The following ZFHX3 variants were observed in gnomAD, a reference collection of about 807,000 sequenced individuals.
ZFHX3 encodes the protein zinc finger homeobox protein 3.
A neutral mutation model predicts 279.1 loss-of-function variants in ZFHX3; 42 were observed. That is an observed-to-expected ratio of 0.15 (90% confidence interval 0.12 to 0.19). The LOEUF (loss-of-function observed/expected upper bound fraction) is 0.19, where lower values mean the gene tolerates loss of function less well. Among genes scored for constraint, ZFHX3 ranks in the 10% least tolerant of loss-of-function variants. The probability of loss-of-function intolerance (pLI) is 1.00; values close to 1 mark genes in which losing one functional copy is unlikely to be tolerated. For missense variants in ZFHX3, 4,981 were observed against 4,754.0 expected (o/e 1.05, Z -1.40); for synonymous variants, 2,293 against 1,957.8 (o/e 1.17, Z -4.52).
intron 3 of ZFHX3, among the ~76,000 whole-genome samples, chr16:73,453,529 C>T (rs1217543273): frequency 6.6e-6 from 1 of 152,204 alleles, no homozygotes; most frequent in Non-Finnish European, 1.5e-5. Flanking sequence ...CAGAGTGTAA[C>T]ACTAGCCACC....
intron 3 of ZFHX3, among the ~76,000 whole-genome samples, chr16:73,381,010 C>A (rs867125427): frequency 1.2e-4 from 19 of 152,254 alleles, no homozygotes; most frequent in African/African-American, 4.3e-4. Context: ...TTAGAGTCTT[C>A]TTTTAACTCT....
chr16:73,754,170 G>A (rs1026045349), intron 1 of ZFHX3, among the ~76,000 whole-genome samples: 3 of 152,066 alleles, frequency 2.0e-5, no homozygotes, highest in Non-Finnish European at 4.4e-5. Flanking sequence ...GAATATATTG[G>A]TCAGTTACAG....
chr16:73,627,079 T>A (rs1338666733), intron 2 of ZFHX3, among the ~76,000 whole-genome samples: 5 of 152,188 alleles, frequency 3.3e-5, no homozygotes, highest in Non-Finnish European at 7.3e-5. Flanking sequence ...TAGAGGCATA[T>A]GCAAAGTTTT....
intron 2 of ZFHX3, among the ~76,000 whole-genome samples, chr16:73,624,459 A>G (rs1248242033): frequency 1.0e-5 from 1 of 97,592 alleles, no homozygotes; most frequent in African/African-American, 2.6e-5. Flanking sequence ...CCTGAGACCT[A>G]GAGTCAGGGG....
At chr16:73,106,793 C>T (rs1966310755) in intron 7 of ZFHX3, among the ~76,000 whole-genome samples, 1 of 152,166 alleles carries the variant, frequency 6.6e-6, no homozygotes, top group South Asian at 2.1e-4. Context: ...AATGATGGTG[C>T]ACCTGTCTAG....
At chr16:73,147,638 G>C (rs1966871612) in intron 5 of ZFHX3, among the ~76,000 whole-genome samples, 1 of 138,030 alleles carries the variant, frequency 7.2e-6, no homozygotes, top group African/African-American at 2.7e-5. Context: ...CTTGCAGTGA[G>C]CCGAGATCGC....
At chr16:73,582,214 G>A (rs77970435) in intron 2 of ZFHX3, among the ~76,000 whole-genome samples, 2,212 of 151,896 alleles carry the variant, frequency 0.015, 108 homozygotes, top group African/African-American at 0.051. Context: ...AACACGACAG[G>A]CAAGAGTATT....
At position 72,783,486 on chromosome 16, in the gene ZFHX3, C is replaced by A. The variant is rs1299837866; in HGVS notation, c.*3678G>T. ...TGCCTCTCTCTCCTGCAACTTCCTG[C>A]CATGCCTGATAAACTCAGGTTTAAA... On this transcript the variant is annotated 3_prime_UTR_variant, in exon 10 of 10. Transcript: ENST00000268489. 6.6e-6 allele frequency: 1 copy of A among 152,576 alleles called. No individual in the cohort carries two copies. Among genetic ancestry groups the A allele is most frequent in the Non-Finnish European group, 1.5e-5 (1 of 68,034 alleles). The allele number at this position is 152,576 out of a possible 1,614,324, so 9.5% of individuals were successfully genotyped here. A position where few individuals can be genotyped will look rare whatever the true frequency, so the allele number is the denominator to read the frequency against.
intron 1 of ZFHX3, among the ~76,000 whole-genome samples, chr16:73,687,846 C>CAA (rs535371406): frequency 0.011 from 673 of 61,786 alleles, 15 homozygotes; most frequent in African/African-American, 0.016. Context: ...GACTCTGTCT[C>CAA]AAAAAAAAAA....
At chr16:73,674,796 C>T (rs1181221842) in intron 2 of ZFHX3, among the ~76,000 whole-genome samples, 1 of 152,106 alleles carries the variant, frequency 6.6e-6, no homozygotes, top group Non-Finnish European at 1.5e-5. Context: ...GCTCCAACAC[C>T]AGACATGTGC....
intron 5 of ZFHX3, among the ~76,000 whole-genome samples, chr16:73,235,575 C>T (rs933001018): frequency 6.6e-6 from 1 of 152,232 alleles, no homozygotes; most frequent in South Asian, 2.1e-4. Context: ...CGGCTCTGGT[C>T]ACCTGATGTA....
intron 4 of ZFHX3, among the ~76,000 whole-genome samples, chr16:73,305,282 G>A (rs1241309348): frequency 1.3e-5 from 2 of 152,058 alleles, no homozygotes; most frequent in African/African-American, 4.8e-5. Context: ...ACTAGGTAAT[G>A]GTGTCAGATA....
chr16:73,184,090 G>A (rs1342147828), intron 5 of ZFHX3, among the ~76,000 whole-genome samples: 1 of 152,090 alleles, frequency 6.6e-6, no homozygotes, highest in Non-Finnish European at 1.5e-5. Context: ...GGTCTACTGC[G>A]TCTTTTCTCT....
At chr16:73,166,632 T>G (rs1967378799) in intron 5 of ZFHX3, among the ~76,000 whole-genome samples, 1 of 152,136 alleles carries the variant, frequency 6.6e-6, no homozygotes, top group East Asian at 1.9e-4. Flanking sequence ...TCAGGTTAAT[T>G]TCCTGTGTGC....
chr16:73,201,186 T>C (rs966405545), intron 5 of ZFHX3, among the ~76,000 whole-genome samples: 1 of 152,134 alleles, frequency 6.6e-6, no homozygotes, highest in Non-Finnish European at 1.5e-5. Context: ...GCTGAAACCA[T>C]TGGCAATGGG....
intron 5 of ZFHX3, among the ~76,000 whole-genome samples, chr16:73,219,807 T>C (rs115694120): frequency 0.041 from 6,225 of 152,230 alleles, 414 homozygotes; most frequent in African/African-American, 0.14. Flanking sequence ...GTTTGGAGGC[T>C]GGGCATGGTG....
intron 5 of ZFHX3, among the ~76,000 whole-genome samples, chr16:73,194,077 T>C (rs1330453478): frequency 2.0e-5 from 3 of 152,090 alleles, no homozygotes; most frequent in Non-Finnish European, 4.4e-5. Context: ...TGCTGAAGAG[T>C]TAACATATGC....
At chr16:72,947,923 G>C (rs1181110637) in intron 3 of ZFHX3, among the ~76,000 whole-genome samples, 1 of 152,174 alleles carries the variant, frequency 6.6e-6, no homozygotes, top group African/African-American at 2.4e-5. Flanking sequence ...TTTACTACAG[G>C]CCACACCAGG....
chr16:73,107,238 A>G (rs1016706640), intron 7 of ZFHX3, among the ~76,000 whole-genome samples: 1 of 152,282 alleles, frequency 6.6e-6, no homozygotes, highest in Admixed American at 6.5e-5. Context: ...TAAATCTAGG[A>G]GGCAGAGGTT....
Sources: gnomAD v4.1 joint callset for allele counts (sites outside exome capture counted in the v4.1 genomes callset) on GRCh38, gnomAD v4.1.1 for gene constraint, MANE v1.5 for transcripts, NCBI Gene and HGNC (gene_info 2026-07-23, HGNC 2026-07-21) for gene names.